The following FAF1 variants were observed in gnomAD, a reference collection of about 807,000 sequenced individuals.
FAF1 encodes FAS-associated factor 1.
In FAF1, 25 loss-of-function variants were observed where a neutral mutation model predicts 92.5. The ratio of observed to expected loss-of-function variants is 0.27; its 90% CI spans 0.20 to 0.38. The LOEUF (loss-of-function observed/expected upper bound fraction) is 0.38, where lower values mean the gene tolerates loss of function less well. Among genes scored for constraint, FAF1 ranks in the 10% least tolerant of loss-of-function variants. The pLI is 1.00. For synonymous variants in FAF1, 234 were observed against 273.2 expected (o/e 0.86, Z 1.42); for missense variants, 636 against 793.3 (o/e 0.80, Z 2.38).
At chr1:50,879,467 T>C (rs1025998050) in intron 1 of FAF1, among the ~76,000 whole-genome samples, 1 of 152,062 alleles carries the variant, frequency 6.6e-6, no homozygotes, top group Admixed American at 6.5e-5. Context: ...ATGAAAATAA[T>C]TGCTATAATA....
chr1:50,598,741 C>T (rs1186675754), intron 8 of FAF1, among the ~76,000 whole-genome samples: 1 of 152,080 alleles, frequency 6.6e-6, no homozygotes, highest in Non-Finnish European at 1.5e-5. Context: ...GAGGCTGAGG[C>T]GAGTGGATCA....
Position 50,547,471 on chromosome 1 carries a change from C to T in FAF1, c.1269-7743G>A, listed in dbSNP as rs1480224019. On this transcript the variant is annotated intron_variant, in intron 13 of 18. Transcript: ENST00000396153. ...TCTTGTTGCCCAGGCTGTAGTGCAA[C>T]GGCGTGATCTAGGCTCACCTCAACC... Among the ~76,000 whole-genome samples the T allele has an allele frequency of 6.0e-5, 9 of 151,196 alleles. No individual in the cohort carries two copies. In the East Asian group the frequency reaches 7.8e-4, roughly 13 times the overall value.
At chr1:50,790,433 C>T (rs1018893271) in intron 3 of FAF1, among the ~76,000 whole-genome samples, 1 of 152,164 alleles carries the variant, frequency 6.6e-6, no homozygotes, top group Non-Finnish European at 1.5e-5. Flanking sequence ...AGCCACCGCA[C>T]CCGGCTTTAT....
intron 7 of FAF1, among the ~76,000 whole-genome samples, chr1:50,689,959 G>C (rs1656845038): frequency 6.7e-6 from 1 of 150,252 alleles, no homozygotes; most frequent in Non-Finnish European, 1.5e-5. Context: ...TACATAGGAA[G>C]ATCATTGTGC....
At chr1:50,934,726 T>C (rs999930101) in intron 1 of FAF1, among the ~76,000 whole-genome samples, 1 of 152,150 alleles carries the variant, frequency 6.6e-6, no homozygotes, top group Non-Finnish European at 1.5e-5. Context: ...TCAAAAATAA[T>C]AATAAATAAG....
chr1:50,608,600 G>C (rs1652536052), intron 8 of FAF1, among the ~76,000 whole-genome samples: 1 of 152,128 alleles, frequency 6.6e-6, no homozygotes, highest in Non-Finnish European at 1.5e-5. Context: ...AGGAGGGGAG[G>C]GGAAGAAGTA....
intron 15 of FAF1, among the ~76,000 whole-genome samples, chr1:50,493,187 C>T (rs1316733190): frequency 1.3e-5 from 2 of 152,032 alleles, no homozygotes; most frequent in African/African-American, 4.8e-5. Context: ...CACCCGACAT[C>T]ACGCCCAGCT....
intron 2 of FAF1, among the ~76,000 whole-genome samples, chr1:50,823,069 C>T (rs566483003): frequency 6.6e-6 from 1 of 152,236 alleles, no homozygotes; most frequent in South Asian, 2.1e-4. Context: ...GCACCGTGCC[C>T]GGCCAAGGCT....
At chr1:50,748,736 C>T (rs529087844) in intron 4 of FAF1, among the ~76,000 whole-genome samples, 5 of 152,220 alleles carry the variant, frequency 3.3e-5, no homozygotes, top group Admixed American at 6.5e-5. Flanking sequence ...TGCTGCTAGT[C>T]TACAGTTTCA....
chr1:50,728,373 G>A (rs1658749943), intron 6 of FAF1, among the ~76,000 whole-genome samples: 1 of 152,162 alleles, frequency 6.6e-6, no homozygotes, highest in Non-Finnish European at 1.5e-5. Flanking sequence ...TATGGCTGGT[G>A]AGCTATGAGC....
At chr1:50,896,530 T>C (rs931484147) in intron 1 of FAF1, among the ~76,000 whole-genome samples, 1 of 152,178 alleles carries the variant, frequency 6.6e-6, no homozygotes, top group Non-Finnish European at 1.5e-5. Flanking sequence ...GCAACCTAAG[T>C]GTCCATGAAT....
At chr1:50,799,183 G>A (rs186852763) in intron 3 of FAF1, among the ~76,000 whole-genome samples, 46 of 152,324 alleles carry the variant, frequency 3.0e-4, no homozygotes, top group African/African-American at 1.1e-3. Context: ...GTAATAGAGA[G>A]GATAGAGCAT....
intron 12 of FAF1, among the ~76,000 whole-genome samples, chr1:50,579,834 C>A (rs1006981339): frequency 2.6e-5 from 4 of 151,946 alleles, no homozygotes; most frequent in African/African-American, 9.7e-5. Flanking sequence ...AACTTGTGAT[C>A]CTTGAGTGGA....
intron 1 of FAF1, among the ~76,000 whole-genome samples, chr1:50,952,182 C>T (rs1570179966): frequency 6.6e-6 from 1 of 152,366 alleles, no homozygotes; most frequent in East Asian, 1.9e-4. Context: ...GGACTGCCGC[C>T]ATCTCGGCTC....
chr1:50,874,115 G>C (rs533456230), intron 1 of FAF1, among the ~76,000 whole-genome samples: 4 of 152,092 alleles, frequency 2.6e-5, no homozygotes, highest in Non-Finnish European at 4.4e-5. Flanking sequence ...TCTAGTACCT[G>C]ACAATTGTCT....
intron 13 of FAF1, among the ~76,000 whole-genome samples, chr1:50,547,557 G>C (rs1344533837): frequency 6.6e-6 from 1 of 152,056 alleles, no homozygotes; most frequent in East Asian, 1.9e-4. Context: ...TGGGATTACA[G>C]GCAAGTGCCA....
intron 1 of FAF1, among the ~76,000 whole-genome samples, chr1:50,911,750 G>T (rs1479174650): frequency 6.6e-6 from 1 of 150,654 alleles, no homozygotes; most frequent in Non-Finnish European, 1.5e-5. Context: ...ATTTGTACTT[G>T]GGCCAGGCAT....
intron 13 of FAF1, 22 bp from the exon 14 acceptor site, chr1:50,539,750 A>G: frequency 6.3e-7 from 1 of 1,594,962 alleles, no homozygotes. Context: ...CAAAATACAA[A>G]GTAAGTTTTG....
intron 2 of FAF1, among the ~76,000 whole-genome samples, chr1:50,808,246 G>C (rs1662283654): frequency 6.6e-6 from 1 of 152,072 alleles, no homozygotes; most frequent in Non-Finnish European, 1.5e-5. Flanking sequence ...TGACTTACCA[G>C]AACTCCTTAA....
Sources: gnomAD v4.1 joint callset for allele counts (sites outside exome capture counted in the v4.1 genomes callset) on GRCh38, gnomAD v4.1.1 for gene constraint, MANE v1.5 for transcripts, NCBI Gene and HGNC (gene_info 2026-07-23, HGNC 2026-07-21) for gene names.